Variants in PTPRT observed in about 807,000 individuals in gnomAD.
PTPRT encodes protein tyrosine phosphatase receptor type T, also known as receptor-type tyrosine-protein phosphatase T.
In PTPRT, 56 loss-of-function variants were observed where a neutral mutation model predicts 176.8. The ratio of observed to expected loss-of-function variants is 0.32; its 90% CI spans 0.26 to 0.40. PTPRT has a LOEUF of 0.40. PTPRT is among the 10% of genes least tolerant of loss of function. PTPRT has a pLI of 1.00. For synonymous variants in PTPRT, 783 were observed against 739.0 expected (o/e 1.06, Z -0.96); for missense variants, 1,540 against 1,908.2 (o/e 0.81, Z 3.60).
intron 16 of PTPRT, among the ~76,000 whole-genome samples, chr20:42,195,595 C>G (rs1991183341): frequency 6.6e-6 from 1 of 152,126 alleles, no homozygotes; most frequent in Non-Finnish European, 1.5e-5. Context: ...CTGAGGACGT[C>G]AGATGCATAG....
intron 1 of PTPRT, among the ~76,000 whole-genome samples, chr20:43,008,863 T>A (rs1464139016): frequency 6.6e-6 from 1 of 152,188 alleles, no homozygotes; most frequent in Non-Finnish European, 1.5e-5. Context: ...TCATGCTGCC[T>A]TCCATTGCCC....
At chr20:42,600,450 A>T (rs1182538923) in intron 7 of PTPRT, among the ~76,000 whole-genome samples, 1 of 151,916 alleles carries the variant, frequency 6.6e-6, no homozygotes, top group Non-Finnish European at 1.5e-5. Flanking sequence ...GGGATTTTTT[A>T]TTATTATTAT....
At chr20:43,094,391 C>T (rs945263535) in intron 1 of PTPRT, among the ~76,000 whole-genome samples, 15 of 64,662 alleles carry the variant, frequency 2.3e-4, no homozygotes, top group African/African-American at 7.0e-4. Context: ...CGGCCTCTTT[C>T]TTTTTTTTTT....
chr20:42,317,634 C>T (rs889072329), intron 11 of PTPRT, among the ~76,000 whole-genome samples: 1 of 152,106 alleles, frequency 6.6e-6, no homozygotes, highest in Non-Finnish European at 1.5e-5. Context: ...CATCTAAAGA[C>T]ACTTGATTAA....
intron 12 of PTPRT, among the ~76,000 whole-genome samples, chr20:42,307,401 T>A (rs1199873060): frequency 6.6e-6 from 1 of 152,122 alleles, no homozygotes; most frequent in Non-Finnish European, 1.5e-5. Flanking sequence ...TCCAGTGAGA[T>A]TTTGTTGTTG....
At chr20:42,871,315 TAAAA>T (rs34666147) in intron 2 of PTPRT, among the ~76,000 whole-genome samples, 14 of 147,498 alleles carry the variant, frequency 9.5e-5, no homozygotes, top group African/African-American at 3.5e-4. Context: ...CAGCCCTTTT[TAAAA>T]AAAAAAAAAA....
chr20:42,636,041 C>G (rs2145913944), intron 7 of PTPRT, among the ~76,000 whole-genome samples: 1 of 152,228 alleles, frequency 6.6e-6, no homozygotes, highest in Admixed American at 6.5e-5. Flanking sequence ...AAAAATTGTA[C>G]TTATGAAATT....
chr20:42,565,467 C>T (rs1304100332), intron 7 of PTPRT, among the ~76,000 whole-genome samples: 3 of 152,020 alleles, frequency 2.0e-5, no homozygotes, highest in Non-Finnish European at 4.4e-5. Flanking sequence ...TTTTCTCATG[C>T]CCAGCTGTGA....
intron 6 of PTPRT, among the ~76,000 whole-genome samples, chr20:42,698,948 C>T (rs150713487): frequency 2.6e-5 from 4 of 152,296 alleles, no homozygotes; most frequent in Non-Finnish European, 4.4e-5. Flanking sequence ...ATTTCTAATG[C>T]TTACAGATAG....
intron 16 of PTPRT, among the ~76,000 whole-genome samples, chr20:42,191,818 A>G (rs1991014178): frequency 6.6e-6 from 1 of 152,188 alleles, no homozygotes; most frequent in Non-Finnish European, 1.5e-5. Flanking sequence ...GAGAGAATAC[A>G]TTATGAGAAA....
At chr20:42,474,360 G>A (rs892086820) in intron 7 of PTPRT, among the ~76,000 whole-genome samples, 5 of 152,250 alleles carry the variant, frequency 3.3e-5, no homozygotes, top group East Asian at 1.9e-4. Flanking sequence ...AACTTGTGTC[G>A]GCGTCCTACC....
chr20:42,810,184 C>T (rs1480189168), intron 2 of PTPRT, among the ~76,000 whole-genome samples: 3 of 152,058 alleles, frequency 2.0e-5, no homozygotes, highest in African/African-American at 7.2e-5. Flanking sequence ...GTCCCAGCTA[C>T]TCTGGAGGCT....
At chr20:42,349,491 T>A (rs1375007048) in intron 11 of PTPRT, among the ~76,000 whole-genome samples, 1 of 152,212 alleles carries the variant, frequency 6.6e-6, no homozygotes, top group Non-Finnish European at 1.5e-5. Flanking sequence ...TATGTTTCTG[T>A]CTCCCCAACT....
the PTPRT span, among the ~76,000 whole-genome samples, chr20:42,047,470 T>C: frequency 6.6e-6 from 1 of 152,184 alleles, no homozygotes; most frequent in East Asian, 1.9e-4. Flanking sequence ...CCAGTTCCAC[T>C]TGCACTGAGC....
At chr20:42,892,736 G>A (rs2079216766) in intron 1 of PTPRT, among the ~76,000 whole-genome samples, 1 of 152,168 alleles carries the variant, frequency 6.6e-6, no homozygotes, top group Non-Finnish European at 1.5e-5. Context: ...TCAGCACTGG[G>A]GACCCTGGGG....
intron 9 of PTPRT, among the ~76,000 whole-genome samples, chr20:42,388,346 G>T (rs1022375286): frequency 6.6e-6 from 1 of 152,228 alleles, no homozygotes; most frequent in East Asian, 1.9e-4. Context: ...GCAACCTACA[G>T]AATGGGAGAA....
chr20:42,174,335 A>G (rs1472501997), intron 16 of PTPRT, among the ~76,000 whole-genome samples: 1 of 151,786 alleles, frequency 6.6e-6, no homozygotes, highest in Non-Finnish European at 1.5e-5. Context: ...AGGAGTTTAT[A>G]TGGAAGGAAA....
At chr20:42,121,861 C>T (rs1402842183) in intron 19 of PTPRT, among the ~76,000 whole-genome samples, 5 of 151,830 alleles carry the variant, frequency 3.3e-5, no homozygotes, top group Non-Finnish European at 7.4e-5. Flanking sequence ...TTTGCAGCAA[C>T]ATGGATACAT....
At chr20:42,838,105 C>A (rs1366378241) in intron 2 of PTPRT, among the ~76,000 whole-genome samples, 1 of 152,146 alleles carries the variant, frequency 6.6e-6, no homozygotes, top group Non-Finnish European at 1.5e-5. Flanking sequence ...TGGCTCACTG[C>A]AACTTCTGCC....
Sources: gnomAD v4.1 joint callset for allele counts (sites outside exome capture counted in the v4.1 genomes callset) on GRCh38, gnomAD v4.1.1 for gene constraint, MANE v1.5 for transcripts, NCBI Gene and HGNC (gene_info 2026-07-23, HGNC 2026-07-21) for gene names.